Variants in KAT6B observed in about 807,000 individuals in gnomAD.
The protein encoded by KAT6B is lysine acetyltransferase 6B.
Under a neutral mutation model 187.5 loss-of-function variants are expected in KAT6B, and 10 were observed. The ratio of observed to expected loss-of-function variants is 0.05; its 90% confidence interval spans 0.03 to 0.09. The LOEUF (loss-of-function observed/expected upper bound fraction) is 0.09. Ranked by LOEUF, KAT6B falls within the 10% of genes least tolerant of loss-of-function variation. The probability of loss-of-function intolerance (pLI) is 1.00; values close to 1 mark genes in which losing one functional copy is unlikely to be tolerated. For synonymous variants in KAT6B, 861 were observed against 926.8 expected (o/e 0.93, Z 1.29); for missense variants, 1,952 against 2,558.9 (o/e 0.76, Z 5.12).
intron 13 of KAT6B, among the ~76,000 whole-genome samples, chr10:75,018,673 C>T (rs545763270): frequency 6.6e-6 from 1 of 152,270 alleles, no homozygotes; most frequent in East Asian, 1.9e-4. Flanking sequence ...TGGGGGGGCA[C>T]ATACCACCTT....
At chr10:75,024,932 T>C (rs759957722) in intron 16 of KAT6B, 26 bp from the exon 17 acceptor site, 11 of 1,607,534 alleles carry the variant, frequency 6.8e-6, no homozygotes, top group South Asian at 6.6e-5. Flanking sequence ...TGAGCTCTTA[T>C]GTGTTATGTT....
intron 3 of KAT6B, among the ~76,000 whole-genome samples, chr10:74,932,538 A>G (rs1400870690): frequency 6.6e-6 from 1 of 152,166 alleles, no homozygotes; most frequent in Non-Finnish European, 1.5e-5. Flanking sequence ...ATGAAATAGG[A>G]ATTTTCCCTT....
At chr10:74,934,113 G>A (rs1232628049) in intron 3 of KAT6B, among the ~76,000 whole-genome samples, 2 of 150,792 alleles carry the variant, frequency 1.3e-5, no homozygotes, top group Non-Finnish European at 2.9e-5. Context: ...TTGAACCTGG[G>A]AGGCGGAGGT....
At chr10:74,858,517 A>G (rs573296138) in intron 3 of KAT6B, among the ~76,000 whole-genome samples, 162 of 152,202 alleles carry the variant, frequency 1.1e-3, no homozygotes, top group African/African-American at 3.3e-3. Flanking sequence ...GGCTCAAGCA[A>G]TCTACCCACC....
At position 75,031,176 on chromosome 10, in the gene KAT6B, T is replaced by TAAAA; in HGVS notation, c.*130_*131insAAAA. ...AAAAACATTTGTTGGCACCATTTATTTAAAAAAAAAAAAAGCTGTATGCAG... is the reference window on the plus strand; with the variant it reads ...AAAAACATTTGTTGGCACCATTTATTAAAATAAAAAAAAAAAAAGCTGTATGCAG... On this transcript the variant is annotated 3_prime_UTR_variant, in exon 18 of 18. Coordinates refer to ENST00000287239, the MANE Select transcript of KAT6B (RefSeq NM_012330.4). 9.4e-7 allele frequency: 1 copy of TAAAA among 1,069,450 alleles called. No individual in the cohort carries two copies. The highest frequency in any genetic ancestry group is 2.6e-5 in the East Asian group (1 of 38,262). 66.2% of individuals were successfully genotyped at this position (1,069,450 alleles called of 1,614,324 possible). A position where few individuals can be genotyped will look rare whatever the true frequency, so the allele number is the denominator to read the frequency against.
At chr10:74,871,122 TCCAC>T (rs1843918248) in intron 3 of KAT6B, among the ~76,000 whole-genome samples, 1 of 136,384 alleles carries the variant, frequency 7.3e-6, no homozygotes, top group South Asian at 2.4e-4. Flanking sequence ...CCTCACGTGA[TCCAC>T]CTGCCTGCCT....
At chr10:74,895,290 G>T (rs777056687) in intron 3 of KAT6B, among the ~76,000 whole-genome samples, 3 of 151,718 alleles carry the variant, frequency 2.0e-5, no homozygotes, top group Non-Finnish European at 4.4e-5. Flanking sequence ...GGGTATTAAT[G>T]CCTTATCAGA....
At position 74,981,912 on chromosome 10, in the gene KAT6B, A is replaced by T; in HGVS notation, c.2357A>T (p.Asp786Val). Residue 786 changes from aspartate (D) to valine (V), a missense_variant, in exon 11 of 18, where the codon GAC (aspartate) becomes GTC (valine). Transcript: ENST00000287239. ...GCAAATGAAATTTACCGAAGGAAAG[A>T]CCTTTCAGTATTTGAGGTAAGCGCG... ...PPANEIYRRKDLSVFEVDGNM... is the reference protein window; with the variant it reads ...PPANEIYRRKVLSVFEVDGNM... 1.2e-6 allele frequency: 2 copies of T among 1,613,956 alleles called. No homozygotes were observed. Among genetic ancestry groups the T allele is most frequent in the African/African-American group, 2.7e-5 (2 of 75,056 alleles).
chr10:74,942,765 C>CAAAAAAAAAAAAAAAAAAAAAAAAAAAAA (rs56276008), intron 3 of KAT6B, among the ~76,000 whole-genome samples: 1 of 9,356 alleles, frequency 1.1e-4, no homozygotes, highest in Non-Finnish European at 2.8e-4. Flanking sequence ...AACTCCATCG[C>CAAAAAAAAAAAAAAAAAAAAAAAAAAAAA]AAAAAAAAAA....
intron 3 of KAT6B, among the ~76,000 whole-genome samples, chr10:74,959,043 A>AATAAATAT (rs1840894661): frequency 6.6e-6 from 1 of 150,776 alleles, no homozygotes; most frequent in African/African-American, 2.5e-5. Context: ...TCTATAAATA[A>AATAAATAT]ATAAATAAAT....
chr10:74,946,372 T>C (rs1839950229), intron 3 of KAT6B, among the ~76,000 whole-genome samples: 4 of 152,226 alleles, frequency 2.6e-5, no homozygotes, highest in Admixed American at 2.6e-4. Context: ...ACCCATCTAA[T>C]GACCCAGGTG....
intron 3 of KAT6B, among the ~76,000 whole-genome samples, chr10:74,935,278 CACAT>C: frequency 1.4e-4 from 1 of 7,012 alleles, no homozygotes; most frequent in African/African-American, 1.4e-3. Flanking sequence ...TACATACACA[CACAT>C]ATATATATAT....
At chr10:74,939,829 A>G (rs2133269693) in intron 3 of KAT6B, among the ~76,000 whole-genome samples, 1 of 152,346 alleles carries the variant, frequency 6.6e-6, no homozygotes, top group Non-Finnish European at 1.5e-5. Context: ...CGCAATTTAA[A>G]ATGCCTGTTT....
At chr10:74,999,276 G>T (rs968375400) in intron 13 of KAT6B, among the ~76,000 whole-genome samples, 18 of 152,150 alleles carry the variant, frequency 1.2e-4, no homozygotes, top group Non-Finnish European at 2.9e-5. Flanking sequence ...GATAGTGAGC[G>T]CAGCTTTATG....
At chr10:74,933,829 C>T (rs909172492) in intron 3 of KAT6B, among the ~76,000 whole-genome samples, 2 of 152,010 alleles carry the variant, frequency 1.3e-5, no homozygotes, top group African/African-American at 4.8e-5. Flanking sequence ...GAGAGCACAC[C>T]TAAGTACTAA....
chr10:75,021,328 T>C, intron 15 of KAT6B, 43 bp downstream of exon 15: 1 of 1,599,578 alleles, frequency 6.3e-7, no homozygotes, highest in Non-Finnish European at 8.6e-7. Flanking sequence ...AACTTCAATC[T>C]TGTAGCATTC....
chr10:74,906,783 A>C (rs1423163458), intron 3 of KAT6B, among the ~76,000 whole-genome samples: 1 of 152,216 alleles, frequency 6.6e-6, no homozygotes, highest in Non-Finnish European at 1.5e-5. Context: ...CTTAACACCC[A>C]GACCCCTTTC....
intron 4 of KAT6B, 145 bp downstream of exon 4, chr10:74,960,223 G>C (rs1589708178): frequency 1.4e-6 from 1 of 701,384 alleles, no homozygotes; most frequent in African/African-American, 1.8e-5. Context: ...GAAAAAGTAA[G>C]GAATAGAGAA....
At chr10:74,846,945 A>G (rs1842150195) in intron 3 of KAT6B, among the ~76,000 whole-genome samples, 1 of 152,216 alleles carries the variant, frequency 6.6e-6, no homozygotes, top group African/African-American at 2.4e-5. Flanking sequence ...TTTGTGATCC[A>G]GGGGATACTT....
Sources: gnomAD v4.1 joint callset for allele counts (sites outside exome capture counted in the v4.1 genomes callset) on GRCh38, gnomAD v4.1.1 for gene constraint, MANE v1.5 for transcripts, NCBI Gene and HGNC (gene_info 2026-07-23, HGNC 2026-07-21) for gene names.